The following AGMO variants were observed in gnomAD, a reference collection of about 807,000 sequenced individuals.
The protein encoded by AGMO is alkylglycerol monooxygenase.
In AGMO, 75 loss-of-function variants were observed where a neutral mutation model predicts 60.2. The observed-to-expected ratio is 1.25, with a 90% CI of 1.03 to 1.51. The LOEUF (loss-of-function observed/expected upper bound fraction) is 1.51, where lower values mean the gene tolerates loss of function less well. Among genes scored for constraint, AGMO ranks in the 40% most tolerant of loss-of-function variants. The pLI is 0.00. For missense variants in AGMO, 763 were observed against 525.5 expected, an observed-to-expected ratio of 1.45 and a Z score of -4.42; for synonymous variants, 261 against 177.1, an observed-to-expected ratio of 1.47 and a Z score of -3.76.
intron 12 of AGMO, among the ~76,000 whole-genome samples, chr7:15,344,315 T>G (rs186323187): frequency 6.6e-6 from 1 of 152,212 alleles, no homozygotes; most frequent in Non-Finnish European, 1.5e-5. Flanking sequence ...CTTACTGAGG[T>G]GCCAACGCAG....
intron 5 of AGMO, among the ~76,000 whole-genome samples, chr7:15,395,699 A>G (rs760658218): frequency 7.2e-5 from 11 of 152,210 alleles, no homozygotes; most frequent in Non-Finnish European, 1.6e-4. Flanking sequence ...TTCTAATTTT[A>G]TGAATGTTTG....
At chr7:15,207,131 AAAT>A (rs1398149466) in intron 12 of AGMO, among the ~76,000 whole-genome samples, 14 of 152,174 alleles carry the variant, frequency 9.2e-5, no homozygotes. Flanking sequence ...TGAAAACCAT[AAAT>A]ATTAGCCACA....
At chr7:15,503,488 C>CA (rs796636690) in intron 3 of AGMO, among the ~76,000 whole-genome samples, 8 of 151,648 alleles carry the variant, frequency 5.3e-5, no homozygotes, top group East Asian at 1.9e-4. Context: ...TACAATTAAA[C>CA]AAAAAAATGG....
At chr7:15,220,469 C>T (rs948692160) in intron 12 of AGMO, among the ~76,000 whole-genome samples, 4 of 151,684 alleles carry the variant, frequency 2.6e-5, no homozygotes, top group Non-Finnish European at 5.9e-5. Context: ...CCGCCCACCT[C>T]GGCCTCCCAA....
intron 3 of AGMO, among the ~76,000 whole-genome samples, chr7:15,439,208 C>T (rs1266615002): frequency 2.6e-5 from 4 of 152,100 alleles, no homozygotes; most frequent in South Asian, 4.1e-4. Context: ...ACCATCCCGG[C>T]CAACATGGTG....
At chr7:15,138,215 G>A in the AGMO span, among the ~76,000 whole-genome samples, 5 of 152,026 alleles carry the variant, frequency 3.3e-5, no homozygotes, top group African/African-American at 9.7e-5. Flanking sequence ...TTCTGAACCC[G>A]TTCCTTTCCA....
chr7:15,208,409 G>T (rs1213480357), intron 12 of AGMO, among the ~76,000 whole-genome samples: 1 of 152,050 alleles, frequency 6.6e-6, no homozygotes, highest in Non-Finnish European at 1.5e-5. Flanking sequence ...GCTCACCATG[G>T]AACCTCATGT....
intron 4 of AGMO, among the ~76,000 whole-genome samples, chr7:15,425,101 A>C (rs969416991): frequency 1.3e-5 from 2 of 152,196 alleles, no homozygotes; most frequent in African/African-American, 4.8e-5. Flanking sequence ...CATAAATTAA[A>C]GTGATCTTCA....
intron 3 of AGMO, among the ~76,000 whole-genome samples, chr7:15,462,047 T>C (rs1462756391): frequency 7.6e-6 from 1 of 131,594 alleles, no homozygotes. Context: ...CCCAGAAGAA[T>C]CCTACTTGGA....
chr7:15,485,901 AG>A (rs1362002139), intron 3 of AGMO, among the ~76,000 whole-genome samples: 9 of 152,042 alleles, frequency 5.9e-5, no homozygotes, highest in East Asian at 1.9e-4. Flanking sequence ...AAATATTCTA[AG>A]GGTTTAGGCA....
the AGMO span, among the ~76,000 whole-genome samples, chr7:15,141,725 G>A: frequency 1.3e-5 from 2 of 152,182 alleles, no homozygotes; most frequent in African/African-American, 2.4e-5. Flanking sequence ...TAAAACACCT[G>A]ATAGGTACTT....
the AGMO span, among the ~76,000 whole-genome samples, chr7:15,151,822 A>C: frequency 1.7e-4 from 26 of 152,226 alleles, no homozygotes; most frequent in East Asian, 4.3e-3. Flanking sequence ...TGTTAGGTCC[A>C]TTTGGTCAGG....
At chr7:15,402,231 T>C (rs868244812) in intron 5 of AGMO, among the ~76,000 whole-genome samples, 1 of 152,186 alleles carries the variant, frequency 6.6e-6, no homozygotes, top group Middle Eastern at 3.4e-3. Flanking sequence ...CATAATTACT[T>C]GGCTTTTTCC....
chr7:15,540,581 G>T (rs962758310), intron 3 of AGMO, among the ~76,000 whole-genome samples: 2 of 152,168 alleles, frequency 1.3e-5, no homozygotes, highest in African/African-American at 4.8e-5. Flanking sequence ...ATGCAGCTCT[G>T]ACAATAGAAG....
intron 10 of AGMO, among the ~76,000 whole-genome samples, chr7:15,366,578 C>A (rs1782990386): frequency 6.6e-6 from 1 of 151,948 alleles, no homozygotes; most frequent in South Asian, 2.1e-4. Context: ...TTCTAATTAG[C>A]CATTTTTAGT....
intron 4 of AGMO, 85 bp downstream of exon 4, chr7:15,430,918 GTT>G (rs71004378): frequency 9.6e-4 from 379 of 394,290 alleles, no homozygotes; most frequent in South Asian, 1.5e-3. Context: ...CCTTCTATTA[GTT>G]TTTTTTTTTT....
At chr7:15,354,415 T>C (rs1217517185) in intron 12 of AGMO, among the ~76,000 whole-genome samples, 515 of 23,052 alleles carry the variant, frequency 0.022, 26 homozygotes, top group Middle Eastern at 0.08. Flanking sequence ...TACACACGTG[T>C]GTGTATACAC....
chr7:15,198,150 G>A (rs191904331), downstream of AGMO, among the ~76,000 whole-genome samples: 4 of 149,696 alleles, frequency 2.7e-5, no homozygotes, highest in Admixed American at 2.0e-4. Flanking sequence ...GCATCTCTCC[G>A]ATAGAAGTGG....
chr7:15,265,983 T>A (rs1451868600), intron 12 of AGMO, among the ~76,000 whole-genome samples: 2 of 152,024 alleles, frequency 1.3e-5, no homozygotes, highest in Admixed American at 6.6e-5. Flanking sequence ...TATGCTACAA[T>A]ATGGATGACC....
Sources: gnomAD v4.1 joint callset for allele counts (sites outside exome capture counted in the v4.1 genomes callset) on GRCh38, gnomAD v4.1.1 for gene constraint, MANE v1.5 for transcripts, NCBI Gene and HGNC (gene_info 2026-07-23, HGNC 2026-07-21) for gene names.